TMEM143: variants seen among roughly 807,000 people sequenced by gnomAD.
TMEM143 encodes transmembrane protein 143.
A neutral mutation model predicts 40.3 loss-of-function variants in TMEM143; 45 were observed. That is an observed-to-expected ratio of 1.12 (90% CI 0.88 to 1.43). The LOEUF is 1.43. TMEM143 is among the 40% of genes most tolerant of loss of function. The probability of loss-of-function intolerance (pLI) is 0.00; values close to 1 mark genes in which losing one functional copy is unlikely to be tolerated. For missense variants in TMEM143, 620 were observed against 613.4 expected, an observed-to-expected ratio of 1.01 and a Z score of -0.11; for synonymous variants, 299 against 282.7, an observed-to-expected ratio of 1.06 and a Z score of -0.58.
chr19:48,345,041 G>A (rs1969588454), intron 4 of TMEM143, 119 bp downstream of exon 4: 11 of 1,076,222 alleles, frequency 1.0e-5, no homozygotes, highest in East Asian at 5.6e-5. Flanking sequence ...CACCAAGTGC[G>A]CCATATGGGC....
chr19:48,344,590 G>A (rs977454897), intron 4 of TMEM143, among the ~76,000 whole-genome samples: 3 of 152,020 alleles, frequency 2.0e-5, no homozygotes, highest in Non-Finnish European at 4.4e-5. Flanking sequence ...ACCCGGCCTT[G>A]TATTATATTA....
At chr19:48,362,922 A>C (rs556020971) in intron 2 of TMEM143, among the ~76,000 whole-genome samples, 1 of 152,364 alleles carries the variant, frequency 6.6e-6, no homozygotes, top group South Asian at 2.1e-4. Context: ...CAGAGCTCAA[A>C]TTGTGTGATA....
intron 6 of TMEM143, among the ~76,000 whole-genome samples, chr19:48,337,030 A>C (rs959206036): frequency 2.0e-5 from 3 of 151,666 alleles, no homozygotes; most frequent in Admixed American, 6.6e-5. Context: ...CACAAAAAAA[A>C]AAAAGAAAAA....
At chr19:48,338,832 A>C (rs1600897983) in intron 6 of TMEM143, among the ~76,000 whole-genome samples, 1 of 152,064 alleles carries the variant, frequency 6.6e-6, no homozygotes, top group Admixed American at 6.5e-5. Flanking sequence ...CAGGGGCACC[A>C]CCCCAGCCTG....
At position 48,332,939 on chromosome 19, in the gene TMEM143, C is replaced by T. The variant is rs138323872; in HGVS notation, c.*280G>A. The T allele has an allele frequency of 2.3e-3, 670 of 289,068 alleles. 5 individuals are homozygous for T. The highest frequency in any genetic ancestry group is 0.013 in the African/African-American group (588 of 46,122). 17.9% of individuals were successfully genotyped at this position (289,068 alleles called of 1,614,324 possible). A position where few individuals can be genotyped will look rare whatever the true frequency, so the allele number is the denominator to read the frequency against. ...AGACACCCTCAGCTCCTCAGCCAAA[C>T]CACACTTGGATGTTTATGGTGAGGG... On this transcript the variant is annotated 3_prime_UTR_variant, in exon 8 of 8. Transcript: ENST00000293261.
Position 48,342,772 on chromosome 19 carries a change from T to C in TMEM143, c.733A>G (p.Lys245Glu). 1 of 1,610,442 alleles carries C rather than the reference T, an allele frequency of 6.2e-7. No individual in the cohort carries two copies. The highest frequency in any genetic ancestry group is 8.5e-7 in the Non-Finnish European group (1 of 1,176,966). Residue 245 changes from lysine (K) to glutamate (E), a missense_variant, in exon 6 of 8, where the codon AAA (lysine) becomes GAA (glutamate). By Grantham distance (56) the Lys-to-Glu change is moderately conservative. Coordinates refer to ENST00000293261, the MANE Select transcript of TMEM143 (RefSeq NM_018273.4). Reference protein sequence around the residue: ...FKRVVLAARTKRGHLVLKSFK... With the variant: ...FKRVVLAARTERGHLVLKSFK... ...CTCTTCAGTACCAGGTGTCCCCGTT[T>C]GGTCCGGGCTGCCAGGACCACCCGC...
intron 4 of TMEM143, 100 bp from the exon 5 acceptor site, chr19:48,343,551 G>A (rs895565750): frequency 1.7e-5 from 25 of 1,432,720 alleles, no homozygotes; most frequent in East Asian, 7.5e-5. Flanking sequence ...TAATTCCCCC[G>A]TTTCCCACTT....
intron 6 of TMEM143, among the ~76,000 whole-genome samples, chr19:48,337,825 G>A (rs1008887846): frequency 3.9e-5 from 6 of 152,150 alleles, no homozygotes; most frequent in Non-Finnish European, 7.4e-5. Context: ...GCATTGGAAC[G>A]AATCGCCATT....
chr19:48,355,600 C>A (rs1230973553), intron 3 of TMEM143, among the ~76,000 whole-genome samples: 1 of 152,166 alleles, frequency 6.6e-6, no homozygotes, highest in Non-Finnish European at 1.5e-5. Flanking sequence ...CTGTGATGGC[C>A]ACTGTTGCTG....
rs190420599 is a variant in TMEM143, at chr19:48,342,033, G to C, written c.975+497C>G. Among the ~76,000 whole-genome samples, 7 of 150,956 alleles carry C rather than the reference G, an allele frequency of 4.6e-5. No homozygotes were observed. In the East Asian group the frequency reaches 1.4e-3, roughly 29 times the overall value. ...GGTGTTGAGTAAATGAAGTAGGGAA[G>C]GGAAGGGGAAGGGAGGGGAGCGGAG... On this transcript the variant is annotated intron_variant, in intron 6 of 7. Coordinates refer to ENST00000293261, the MANE Select transcript of TMEM143 (RefSeq NM_018273.4).
intron 3 of TMEM143, among the ~76,000 whole-genome samples, chr19:48,348,397 G>A (rs1909406118): frequency 6.6e-6 from 1 of 152,076 alleles, no homozygotes; most frequent in African/African-American, 2.4e-5. Context: ...CCACCCGCCT[G>A]GTCCCAGTCC....
In TMEM143 at chr19:48,362,413, C is replaced by T. The variant is rs866879368; in HGVS notation, c.264+878G>A. Among the ~76,000 whole-genome samples the T allele has an allele frequency of 2.1e-4, 32 of 152,174 alleles. No homozygotes were observed. In the Middle Eastern group the frequency reaches 0.014, roughly 65 times the overall value. On this transcript the variant is annotated intron_variant, in intron 2 of 7. Coordinates refer to ENST00000293261, the MANE Select transcript of TMEM143 (RefSeq NM_018273.4). ...AAATTAGCCAGGCAAGAGTCCCAGC[C>T]TCTCGGGGGCTGAGGAAGGAGGATC... is the stretch of plus-strand genomic sequence containing the variant.
chr19:48,345,405 A>G, intron 3 of TMEM143, 51 bp from the exon 4 acceptor site: 1 of 1,365,154 alleles, frequency 7.3e-7, no homozygotes, highest in Non-Finnish European at 9.7e-7. Context: ...TGCATGAAGG[A>G]TTCTAGGGAC....
intron 2 of TMEM143, among the ~76,000 whole-genome samples, chr19:48,362,498 T>A (rs535700677): frequency 6.6e-6 from 1 of 152,110 alleles, no homozygotes; most frequent in African/African-American, 2.4e-5. Context: ...CACTCCAGTC[T>A]GGGCAACAGA....
At chr19:48,355,183 C>T (rs1334693862) in intron 3 of TMEM143, among the ~76,000 whole-genome samples, 1 of 151,942 alleles carries the variant, frequency 6.6e-6, no homozygotes, top group Non-Finnish European at 1.5e-5. Context: ...TACGGGCACC[C>T]CCCACCACAA....
At position 48,345,141 on chromosome 19, in the gene TMEM143, C is replaced by G; in HGVS notation, c.564+19G>C. 1 of 1,610,750 alleles carries G rather than the reference C, an allele frequency of 6.2e-7. No homozygotes were observed. Among genetic ancestry groups the G allele is most frequent in the Non-Finnish European group, 8.5e-7 (1 of 1,178,460 alleles). On this transcript the variant is annotated intron_variant, in intron 4 of 7. Coordinates refer to ENST00000293261, the MANE Select transcript of TMEM143 (RefSeq NM_018273.4). ...CTAGAGGCCTCCTGGGAGTTTTGTTCTCCTAGGGAGCCAAGTACCTGGACC... is the reference window on the plus strand; with the variant it reads ...CTAGAGGCCTCCTGGGAGTTTTGTTGTCCTAGGGAGCCAAGTACCTGGACC...
chr19:48,338,642 C>T (rs894755232), intron 6 of TMEM143, among the ~76,000 whole-genome samples: 1 of 152,210 alleles, frequency 6.6e-6, no homozygotes, highest in African/African-American at 2.4e-5. Flanking sequence ...TGCCAGCTGC[C>T]GCCTCCATTA....
intron 6 of TMEM143, among the ~76,000 whole-genome samples, chr19:48,334,523 CTTTCTTTCTTTTCTTTTCTTTCTTTCTT>C (rs1969321896): frequency 7.6e-6 from 1 of 130,816 alleles, no homozygotes. Context: ...CTTTCTTTCT[CTTTCTTTCTTTTCTTTTCTTTCTTTCTT>C]TTTCTTCCTT....
In TMEM143 at chr19:48,348,831, C is replaced by T. The variant is rs1379935273; in HGVS notation, c.370-3477G>A. On this transcript the variant is annotated intron_variant, in intron 3 of 7. Transcript: ENST00000293261. ...GGATCACACTTCCTAGTAGGGCCTGCAAGGCCTCACAGGACCGTAAATCCC... is the reference window on the plus strand; with the variant it reads ...GGATCACACTTCCTAGTAGGGCCTGTAAGGCCTCACAGGACCGTAAATCCC... Among the ~76,000 whole-genome samples, 2 of 152,312 alleles carry T rather than the reference C, an allele frequency of 1.3e-5. 1 individual carries two copies. The highest frequency in any genetic ancestry group is 1.3e-4 in the Admixed American group (2 of 15,288).
Sources: allele counts gnomAD v4.1 joint callset (sites outside exome capture counted in the v4.1 genomes callset), GRCh38; gene constraint gnomAD v4.1.1; transcripts MANE v1.5; gene names NCBI Gene and HGNC (gene_info 2026-07-23, HGNC 2026-07-21).